NRG1: variants seen among roughly 807,000 people sequenced by gnomAD.
NRG1 encodes neuregulin 1, also known as pro-neuregulin-1, membrane-bound isoform.
A neutral mutation model predicts 63.8 loss-of-function variants in NRG1; 18 were observed. That is an observed-to-expected ratio of 0.28 (90% CI 0.19 to 0.42). The LOEUF (loss-of-function observed/expected upper bound fraction) is 0.42, where lower values mean the gene tolerates loss of function less well. NRG1 is among the 10% of genes least tolerant of loss of function. The pLI is 1.00. For synonymous variants in NRG1, 302 were observed against 301.3 expected (o/e 1.00, Z -0.02); for missense variants, 762 against 814.7 (o/e 0.94, Z 0.79).
intron 1 of NRG1, among the ~76,000 whole-genome samples, chr8:31,944,608 C>T (rs1348556526): frequency 1.3e-5 from 2 of 152,124 alleles, no homozygotes; most frequent in Non-Finnish European, 2.9e-5. Context: ...CATAATAAAA[C>T]AAAAGAGATG....
At chr8:32,454,920 T>G (rs1336825603) in intron 1 of NRG1, among the ~76,000 whole-genome samples, 1 of 152,170 alleles carries the variant, frequency 6.6e-6, no homozygotes, top group East Asian at 1.9e-4. Context: ...TTCTGTATTT[T>G]TCTATGTTTA....
intron 1 of NRG1, among the ~76,000 whole-genome samples, chr8:32,393,513 G>A (rs1360437598): frequency 6.6e-6 from 1 of 152,144 alleles, no homozygotes; most frequent in Non-Finnish European, 1.5e-5. Flanking sequence ...ACAGGATAAA[G>A]AAAATGTGGT....
At chr8:32,243,352 C>G (rs1848301276) in intron 1 of NRG1, among the ~76,000 whole-genome samples, 1 of 151,572 alleles carries the variant, frequency 6.6e-6, no homozygotes, top group Non-Finnish European at 1.5e-5. Context: ...ATTGCTTGAA[C>G]CCAGGAGGCA....
At chr8:32,514,002 A>G (rs943692555) in intron 1 of NRG1, among the ~76,000 whole-genome samples, 5 of 152,178 alleles carry the variant, frequency 3.3e-5, no homozygotes, top group Non-Finnish European at 5.9e-5. Flanking sequence ...ACTGATTAGC[A>G]ATACTAACTG....
intron 1 of NRG1, among the ~76,000 whole-genome samples, chr8:31,687,581 G>C (rs1809034586): frequency 6.6e-6 from 1 of 152,170 alleles, no homozygotes; most frequent in Non-Finnish European, 1.5e-5. Flanking sequence ...GTAGAGTAGT[G>C]GGTGTTTATA....
chr8:32,680,585 A>G (rs1808343642), intron 5 of NRG1, among the ~76,000 whole-genome samples: 1 of 152,148 alleles, frequency 6.6e-6, no homozygotes, highest in African/African-American at 2.4e-5. Flanking sequence ...AATGATAGCA[A>G]TGGTAACCAT....
At chr8:32,087,566 G>A (rs375894982) in intron 1 of NRG1, among the ~76,000 whole-genome samples, 1 of 126,664 alleles carries the variant, frequency 7.9e-6, no homozygotes, top group East Asian at 2.7e-4. Flanking sequence ...CGCCTCCCGG[G>A]TTCAAGCAAT....
chr8:32,320,287 C>T (rs1445915420), intron 1 of NRG1, among the ~76,000 whole-genome samples: 1 of 152,082 alleles, frequency 6.6e-6, no homozygotes, highest in African/African-American at 2.4e-5. Flanking sequence ...TTTATAATTA[C>T]TAGGAATTTT....
chr8:32,137,775 GA>G (rs1299142116), intron 1 of NRG1, among the ~76,000 whole-genome samples: 1 of 152,138 alleles, frequency 6.6e-6, no homozygotes, highest in Non-Finnish European at 1.5e-5. Flanking sequence ...TGGGTTTCAG[GA>G]AATTGTTTTT....
At chr8:32,029,620 T>C (rs1817958128) in intron 1 of NRG1, 1 of 152,240 alleles carries the variant, frequency 6.6e-6, no homozygotes. Flanking sequence ...GGCAAATTCC[T>C]AATTTAAGCT....
chr8:32,751,642 T>C (rs772823888), intron 7 of NRG1, among the ~76,000 whole-genome samples: 1 of 152,310 alleles, frequency 6.6e-6, no homozygotes. Context: ...TCAATGCTGA[T>C]GTGAATATAA....
At chr8:32,334,666 T>C (rs1586883935) in intron 1 of NRG1, among the ~76,000 whole-genome samples, 1 of 152,182 alleles carries the variant, frequency 6.6e-6, no homozygotes, top group South Asian at 2.1e-4. Flanking sequence ...AAAAGCAAGA[T>C]ATGTCAAATG....
intron 1 of NRG1, among the ~76,000 whole-genome samples, chr8:32,139,711 A>C (rs1835995112): frequency 6.6e-6 from 1 of 152,156 alleles, no homozygotes; most frequent in African/African-American, 2.4e-5. Flanking sequence ...CCACCACTAA[A>C]GGACTTACCC....
At chr8:32,498,311 T>C (rs1827456949) in intron 1 of NRG1, among the ~76,000 whole-genome samples, 1 of 152,100 alleles carries the variant, frequency 6.6e-6, no homozygotes, top group Admixed American at 6.5e-5. Context: ...GGTATATTAG[T>C]TCATTCTCAA....
chr8:31,640,222 G>A lies in NRG1; in HGVS notation c.37+791G>A. The A allele has an allele frequency of 8.6e-7, 1 of 1,164,194 alleles. No individual in the cohort carries two copies. The highest frequency in any genetic ancestry group is 1.1e-6 in the Non-Finnish European group (1 of 944,042). 72.1% of individuals were successfully genotyped at this position (1,164,194 alleles called of 1,614,324 possible). A position where few individuals can be genotyped will look rare whatever the true frequency, so the allele number is the denominator to read the frequency against. On this transcript the variant is annotated intron_variant, in intron 1 of 10. Transcript: ENST00000519301. This position sits in a 1 kb window ranked among gnomAD's most constrained non-coding sequence, Gnocchi z 6.3. ...GGTGCAGGAGCTAGCTCAGCGCGCC[G>A]CGGTGGTGATCGAGGGAAAGGTGCA...
intron 1 of NRG1, among the ~76,000 whole-genome samples, chr8:31,965,539 A>G (rs1179192783): frequency 6.6e-6 from 1 of 152,128 alleles, no homozygotes; most frequent in African/African-American, 2.4e-5. Flanking sequence ...CTTTTTTAAT[A>G]TGATGATTTA....
At chr8:32,746,700 A>G (rs954606464) in intron 7 of NRG1, among the ~76,000 whole-genome samples, 10 of 152,148 alleles carry the variant, frequency 6.6e-5, no homozygotes, top group Admixed American at 6.6e-4. Context: ...TGTTTACAGT[A>G]AACTTTGTGT....
chr8:31,818,999 A>T (rs1823735465), intron 1 of NRG1, among the ~76,000 whole-genome samples: 1 of 152,182 alleles, frequency 6.6e-6, no homozygotes, highest in Non-Finnish European at 1.5e-5. Context: ...GGTTGCAGTG[A>T]GCCGAGATCG....
intron 1 of NRG1, among the ~76,000 whole-genome samples, chr8:32,195,438 CA>C (rs34604354): frequency 0.011 from 1,546 of 137,612 alleles, 9 homozygotes; most frequent in Non-Finnish European, 0.012. Flanking sequence ...GACCCTGTCT[CA>C]AAAAAAAAAA....
Sources: gnomAD v4.1 joint callset for allele counts (sites outside exome capture counted in the v4.1 genomes callset) on GRCh38, gnomAD v4.1.1 for gene constraint, Gnocchi (gnomAD v3.1) non-coding constraint, MANE v1.5 for transcripts, NCBI Gene and HGNC (gene_info 2026-07-23, HGNC 2026-07-21) for gene names.